The following TMEM161A variants were observed in gnomAD, a reference collection of about 807,000 sequenced individuals.
TMEM161A encodes adaptive response to oxidative stress protein 29.
Under a neutral mutation model 57.1 loss-of-function variants are expected in TMEM161A, and 46 were observed. The ratio of observed to expected loss-of-function variants is 0.81; its 90% CI spans 0.64 to 1.03. The LOEUF is 1.03. Among genes scored for constraint, TMEM161A ranks in the 50% least tolerant of loss-of-function variants. The probability of loss-of-function intolerance (pLI) is 0.00; values close to 1 mark genes in which losing one functional copy is unlikely to be tolerated. For missense variants in TMEM161A, 601 were observed against 621.5 expected (o/e 0.97, Z 0.35); for synonymous variants, 288 against 279.0 (o/e 1.03, Z -0.32).
rs150166678 is a variant in TMEM161A, at chr19:19,132,669, C to G, written c.274G>C (p.Val92Leu). The change falls in exon 4 of 12, where the codon GTG becomes CTG. Residue 92 changes from valine (V) to leucine (L), a missense_variant. Coordinates refer to ENST00000162044, the MANE Select transcript of TMEM161A (RefSeq NM_017814.3). This position sits in a 1 kb window ranked among gnomAD's most constrained non-coding sequence, Gnocchi z 4.3. ...ACTGGGCTATTACCCAGGGCATCCA[C>G]GGTCGTGAGGGGGCAGGTCTCCAGC... Reference protein sequence around the residue: ...FQLETCPLTTVDALVLRFFLE... With the variant: ...FQLETCPLTTLDALVLRFFLE... The G allele has an allele frequency of 6.4e-7, 1 of 1,571,648 alleles. No individual in the cohort carries two copies. The highest frequency in any genetic ancestry group is 8.6e-7 in the Non-Finnish European group (1 of 1,157,906).
intron 11 of TMEM161A, among the ~76,000 whole-genome samples, chr19:19,120,556 A>C: frequency 7.2e-6 from 1 of 138,198 alleles, no homozygotes; most frequent in African/African-American, 2.8e-5. Context: ...TCCTGCTCAG[A>C]TTGCACCCAT....
In TMEM161A at chr19:19,132,514, G is replaced by A. The variant is rs773106950; in HGVS notation, c.287-6C>T. 1 of 1,612,698 alleles carries A rather than the reference G, an allele frequency of 6.2e-7. No homozygotes were observed. The highest frequency in any genetic ancestry group is 8.5e-7 in the Non-Finnish European group (1 of 1,179,184). Reference sequence around the variant, plus strand: ...CTCCAGGAAGAAGCGCAGGACTGTGGGGGGCACTCTGCTCAGCCCTGGGGC... The same window carrying A: ...CTCCAGGAAGAAGCGCAGGACTGTGAGGGGCACTCTGCTCAGCCCTGGGGC... On this transcript the variant is annotated splice_region_variant and splice_polypyrimidine_tract_variant and intron_variant, in intron 4 of 11. Transcript: ENST00000162044. The surrounding 1 kb of genome is among the most constrained non-coding windows in gnomAD (Gnocchi z 4.3).
intron 1 of TMEM161A, among the ~76,000 whole-genome samples, chr19:19,136,971 C>T (rs767150937): frequency 2.1e-5 from 3 of 144,066 alleles, no homozygotes; most frequent in South Asian, 2.4e-4. Flanking sequence ...TTTCTCCTCT[C>T]TCTCCGACCT....
At chr19:19,123,728 G>A (rs1212531051) in intron 6 of TMEM161A, among the ~76,000 whole-genome samples, 5 of 152,162 alleles carry the variant, frequency 3.3e-5, no homozygotes, top group Admixed American at 6.6e-5. Context: ...AAGCAAGCTA[G>A]AAAGGCTATA....
At chr19:19,128,327 G>A (rs2059941429) in intron 6 of TMEM161A, among the ~76,000 whole-genome samples, 2 of 151,434 alleles carry the variant, frequency 1.3e-5, no homozygotes, top group Non-Finnish European at 1.5e-5. Flanking sequence ...CGCCTACCAG[G>A]TTCACGCCAT....
Position 19,119,885 on chromosome 19 carries a change from T to C in TMEM161A, c.*45A>G, listed in dbSNP as rs1185546908. Reference sequence around the variant, plus strand: ...CAGAGGGGGCAGGCTAGTGTCCCGCTGCCCCAGGAACAGACCTCAGGGCCC... The same window carrying C: ...CAGAGGGGGCAGGCTAGTGTCCCGCCGCCCCAGGAACAGACCTCAGGGCCC... On this transcript the variant is annotated 3_prime_UTR_variant, in exon 12 of 12. Transcript: ENST00000162044. 1.2e-5 allele frequency: 18 copies of C among 1,539,358 alleles called. No individual in the cohort carries two copies. Among genetic ancestry groups the C allele is most frequent in the Admixed American group, 7.9e-5 (4 of 50,506 alleles).
At chr19:19,122,382 G>C (rs755721971) in intron 6 of TMEM161A, among the ~76,000 whole-genome samples, 1 of 152,142 alleles carries the variant, frequency 6.6e-6, no homozygotes, top group Non-Finnish European at 1.5e-5. Context: ...AGCTCCCTAG[G>C]TTATAGAAGG....
chr19:19,120,950 G>GC, intron 10 of TMEM161A, 42 bp downstream of exon 10: 1 of 1,609,350 alleles, frequency 6.2e-7, no homozygotes. Context: ...CCCACCCTGA[G>GC]CCCCAGGTTC....
chr19:19,120,389 G>A (rs1200007398), intron 11 of TMEM161A, among the ~76,000 whole-genome samples: 1 of 149,798 alleles, frequency 6.7e-6, no homozygotes, highest in Non-Finnish European at 1.5e-5. Context: ...CTCAGATCCT[G>A]CCTCAATACA....
rs973463202 is a variant in TMEM161A, at chr19:19,132,226, T to C, written c.443+126A>G. 54 of 1,148,506 alleles carry C rather than the reference T, an allele frequency of 4.7e-5. No homozygotes were observed. Among genetic ancestry groups the C allele is most frequent in the Non-Finnish European group, 6.2e-5 (50 of 808,780 alleles). The allele number at this position is 1,148,506 out of a possible 1,614,324, so 71.1% of individuals were successfully genotyped here. On this transcript the variant is annotated intron_variant, in intron 5 of 11. Transcript: ENST00000162044. The surrounding 1 kb of genome is among the most constrained non-coding windows in gnomAD (Gnocchi z 4.3). ...TGGAGCACATAAAATGTCTGCTTCATGTCACTAAGCTTGGGGAAGTTTGTG... is the reference window on the plus strand; with the variant it reads ...TGGAGCACATAAAATGTCTGCTTCACGTCACTAAGCTTGGGGAAGTTTGTG...
At chr19:19,130,345 C>T (rs373781160) in intron 5 of TMEM161A, 38 bp from the exon 6 acceptor site, 23 of 1,607,414 alleles carry the variant, frequency 1.4e-5, no homozygotes, top group Admixed American at 5.0e-5. Flanking sequence ...GGTGCCACTG[C>T]CCCACTCTGC....
At chr19:19,133,524 T>G (rs1195180067) in intron 2 of TMEM161A, among the ~76,000 whole-genome samples, 2 of 152,114 alleles carry the variant, frequency 1.3e-5, no homozygotes, top group East Asian at 3.9e-4. Flanking sequence ...CAGACTGGAG[T>G]GCAGTGGCAT....
At chr19:19,136,290 A>G (rs2059984078) in intron 1 of TMEM161A, among the ~76,000 whole-genome samples, 1 of 152,180 alleles carries the variant, frequency 6.6e-6, no homozygotes, top group South Asian at 2.1e-4. Flanking sequence ...TCCTTTAATC[A>G]GGCATAAATA....
At chr19:19,120,268 T>G in intron 11 of TMEM161A, 85 bp from the exon 12 acceptor site, 13 of 1,189,748 alleles carry the variant, frequency 1.1e-5, no homozygotes, top group Non-Finnish European at 1.5e-5. Flanking sequence ...GCCAGGCCCA[T>G]TCCTCCAGAC....
rs1182227748 is a variant in TMEM161A at position 19,133,146 on chromosome 19, T to C, written c.172A>G (p.Arg58Gly). ...GTCACTCACCGCTCTTTCCTGCCTCTGGGCCTCGGCTTCCCCGCCAGGGCC... is the reference window on the plus strand; with the variant it reads ...GTCACTCACCGCTCTTTCCTGCCTCCGGGCCTCGGCTTCCCCGCCAGGGCC... The part of the protein sequence containing the change: ...LRALAGKPRP[R>G]GRKERWANGL... The change falls in exon 3 of 12, where the codon AGA becomes GGA. Residue 58 changes from arginine to glycine, a missense_variant. Arg to Gly is a moderately radical substitution (Grantham distance 125). Coordinates refer to ENST00000162044, the MANE Select transcript of TMEM161A (RefSeq NM_017814.3). The C allele has an allele frequency of 6.2e-7, 1 of 1,614,124 alleles. No homozygotes were observed. Among genetic ancestry groups the C allele is most frequent in the Admixed American group, 1.7e-5 (1 of 60,020 alleles).
rs1313779562 is a variant in TMEM161A, at chr19:19,121,096, C to T, written c.985G>A (p.Val329Met). Residue 329 changes from valine (V) to methionine (M), a missense_variant, in exon 10 of 12, where the codon GTG (valine) becomes ATG (methionine). Physicochemically the swap from Val to Met is conservative, Grantham distance 21. Transcript: ENST00000162044. The surrounding 1 kb of genome is among the most constrained non-coding windows in gnomAD (Gnocchi z 5.8). The stretch of plus-strand genomic sequence containing the variant: ...TAGGCCTGCAGGTGGGGCCGGGTCA[C>T]CGCCAGCCGCAGCAGGCACAGCACC... ...LVVLCLLRLA[V>M]TRPHLQAYLC... 6.2e-7 allele frequency: 1 copy of T among 1,611,330 alleles called. No homozygotes were observed. The highest frequency in any genetic ancestry group is 8.5e-7 in the Non-Finnish European group (1 of 1,179,414).
intron 1 of TMEM161A, 118 bp from the exon 2 acceptor site, chr19:19,135,005 T>C (rs2059978574): frequency 4.2e-6 from 3 of 715,512 alleles, no homozygotes; most frequent in East Asian, 2.7e-5. Context: ...GCGAGCCTCT[T>C]AGGCTCTAGC....
At position 19,119,831 on chromosome 19, in the gene TMEM161A, C is replaced by T. The variant is rs969497886; in HGVS notation, c.*99G>A. ...GGGAACGCCGGGGAGTCCGGCCCCA[C>T]CTTGCAGCTGGGGACACGGGGGCGC... On this transcript the variant is annotated 3_prime_UTR_variant, in exon 12 of 12. Coordinates refer to ENST00000162044, the MANE Select transcript of TMEM161A (RefSeq NM_017814.3). The T allele has an allele frequency of 2.7e-5, 39 of 1,425,734 alleles. No individual in the cohort carries two copies. The highest frequency in any genetic ancestry group is 3.5e-5 in the Non-Finnish European group (37 of 1,061,494). 88.3% of individuals were successfully genotyped at this position (1,425,734 alleles called of 1,614,324 possible). A position where few individuals can be genotyped will look rare whatever the true frequency, so the allele number is the denominator to read the frequency against.
At chr19:19,134,700 C>T in intron 2 of TMEM161A, 84 bp downstream of exon 2, 3 of 1,023,816 alleles carry the variant, frequency 2.9e-6, no homozygotes, top group African/African-American at 1.6e-5. Flanking sequence ...AAAATCAAGG[C>T]TTTGCAATTT....
Sources: allele counts gnomAD v4.1 joint callset (sites outside exome capture counted in the v4.1 genomes callset), GRCh38; gene constraint gnomAD v4.1.1; non-coding constraint Gnocchi (gnomAD v3.1); transcripts MANE v1.5; gene names NCBI Gene and HGNC (gene_info 2026-07-23, HGNC 2026-07-21).